The following EML1 variants were observed in gnomAD, a reference collection of about 807,000 sequenced individuals.
EML1 encodes the protein echinoderm microtubule-associated protein-like 1.
Under a neutral mutation model 110.4 loss-of-function variants are expected in EML1, and 27 were observed. The ratio of observed to expected loss-of-function variants is 0.24; its 90% confidence interval spans 0.18 to 0.34. EML1 has a LOEUF of 0.34. Ranked by LOEUF, EML1 falls within the 10% of genes least tolerant of loss-of-function variation. The pLI, the probability that EML1 is intolerant of heterozygous loss-of-function variation, is 1.00. For missense variants in EML1, 741 were observed against 1,030.9 expected, an observed-to-expected ratio of 0.72 and a Z score of 3.85; for synonymous variants, 344 against 385.8, an observed-to-expected ratio of 0.89 and a Z score of 1.27.
At chr14:99,822,070 G>C (rs2058273222) in intron 1 of EML1, among the ~76,000 whole-genome samples, 1 of 152,184 alleles carries the variant, frequency 6.6e-6, no homozygotes, top group South Asian at 2.1e-4. Context: ...TGCTCGTGTT[G>C]GAACAAAGGC....
chr14:99,843,688 G>T (rs536685642), intron 1 of EML1, among the ~76,000 whole-genome samples: 2 of 152,290 alleles, frequency 1.3e-5, no homozygotes, highest in African/African-American at 4.8e-5. Context: ...AAAGACTGAA[G>T]TCTATGCCTC....
intron 7 of EML1, among the ~76,000 whole-genome samples, chr14:99,897,829 G>T (rs1407526104): frequency 6.6e-6 from 1 of 152,192 alleles, no homozygotes; most frequent in Non-Finnish European, 1.5e-5. Flanking sequence ...ATGGATGCGT[G>T]AAGAGATGGA....
intron 1 of EML1, chr14:99,838,911 G>GCGCGCA (rs2058584259): frequency 8.7e-6 from 1 of 114,376 alleles, no homozygotes; most frequent in African/African-American, 3.9e-5. Flanking sequence ...GGGAGTGCGC[G>GCGCGCA]CGCGCGCGTG....
At chr14:99,822,584 C>A (rs1242494709) in intron 1 of EML1, among the ~76,000 whole-genome samples, 1 of 152,188 alleles carries the variant, frequency 6.6e-6, no homozygotes, top group Admixed American at 6.5e-5. Context: ...TTTTCATATT[C>A]ATTTATATTA....
At chr14:99,864,812 A>AG (rs2059065568) in intron 2 of EML1, among the ~76,000 whole-genome samples, 1 of 151,722 alleles carries the variant, frequency 6.6e-6, no homozygotes, top group Non-Finnish European at 1.5e-5. Flanking sequence ...TCTCAAAAAA[A>AG]AAAAAAAAAA....
rs140837808 is a variant in EML1 at position 99,897,220 on chromosome 14, A to G, written c.753A>G (p.Ala251=). Residue 251 remains alanine (A), a synonymous_variant, in exon 7 of 22, where the codon GCA becomes GCG. Transcript: ENST00000262233. ...CGGGAGAGACCGTCTACTTCATCGC[A>G]TCCGTGGTGGTGTTATACAACGTGG... ...LPTGETVYFI[A]SVVVLYNVEE... The G allele has an allele frequency of 8.3e-5, 134 of 1,613,108 alleles. 3 individuals are homozygous for G. The South Asian group carries it at 1.4e-3, about 17-fold the overall frequency.
At chr14:99,925,978 G>A (rs2060226107) in intron 17 of EML1, among the ~76,000 whole-genome samples, 2 of 152,154 alleles carry the variant, frequency 1.3e-5, no homozygotes, top group African/African-American at 2.4e-5. Flanking sequence ...TACCACAGCC[G>A]CGTGGTCCTC....
intron 17 of EML1, among the ~76,000 whole-genome samples, chr14:99,923,959 G>A (rs1042457531): frequency 5.3e-5 from 8 of 152,146 alleles, no homozygotes; most frequent in East Asian, 1.9e-4. Context: ...AGGCCAGCTC[G>A]TCAATTTCTA....
chr14:99,762,080 G>A (rs1225483317), intron 1 of EML1, among the ~76,000 whole-genome samples: 1 of 152,152 alleles, frequency 6.6e-6, no homozygotes, highest in Non-Finnish European at 1.5e-5. Context: ...CTCAGTGGCT[G>A]AACAGACGTG....
chr14:99,834,483 G>A (rs933910077), intron 1 of EML1, among the ~76,000 whole-genome samples: 6 of 152,048 alleles, frequency 3.9e-5, no homozygotes, highest in African/African-American at 1.4e-4. Flanking sequence ...TGTATTTTAA[G>A]TAGAGATGGG....
At chr14:99,897,632 AC>A (rs1197531608) in intron 7 of EML1, among the ~76,000 whole-genome samples, 1 of 152,198 alleles carries the variant, frequency 6.6e-6, no homozygotes, top group Non-Finnish European at 1.5e-5. Flanking sequence ...TTCACGGACC[AC>A]ATTGTCTCAA....
In EML1 at chr14:99,865,565, C is replaced by T; in HGVS notation, c.302C>T (p.Thr101Ile). Residue 101 changes from threonine (T) to isoleucine (I), a missense_variant, in exon 3 of 22, where the codon ACT becomes ATT. Coordinates refer to ENST00000262233, the MANE Select transcript of EML1 (RefSeq NM_004434.3). ...TTAAGAACCACGGTCAACAATGGCA[C>T]TGTGTTACCAAAGAAACCTACTGGC... ...LPLRTTVNNGTVLPKKPTGSL... is the reference protein window; with the variant it reads ...LPLRTTVNNGIVLPKKPTGSL... The T allele has an allele frequency of 6.2e-7, 1 of 1,614,240 alleles. No homozygotes were observed. Among genetic ancestry groups the T allele is most frequent in the Non-Finnish European group, 8.5e-7 (1 of 1,180,044 alleles).
At chr14:99,814,880 T>C (rs1357137374) in intron 1 of EML1, among the ~76,000 whole-genome samples, 1 of 152,168 alleles carries the variant, frequency 6.6e-6, no homozygotes, top group East Asian at 1.9e-4. Context: ...ATATATGCTC[T>C]TCATTTATTG....
chr14:99,873,951 G>A (rs1424545309), intron 3 of EML1, among the ~76,000 whole-genome samples: 4 of 152,126 alleles, frequency 2.6e-5, no homozygotes, highest in East Asian at 1.9e-4. Flanking sequence ...AGTGTTAGTC[G>A]CCCCAGCTGT....
At position 99,939,428 on chromosome 14, in the gene EML1, G is replaced by C. The variant is rs933007824; in HGVS notation, c.2322+101G>C. 23 of 1,526,020 alleles carry C rather than the reference G, an allele frequency of 1.5e-5. No homozygotes were observed. Among genetic ancestry groups the C allele is most frequent in the Non-Finnish European group, 1.9e-5 (21 of 1,128,806 alleles). The allele number at this position is 1,526,020 out of a possible 1,614,324, so 94.5% of individuals were successfully genotyped here. The stretch of plus-strand genomic sequence containing the variant: ...TGGAAATGGGCTGTGAGCGACTGCT[G>C]CCAGCCACAAAGGCAGATGTGACTC... On this transcript the variant is annotated intron_variant, in intron 21 of 21. Transcript: ENST00000262233. The surrounding 1 kb of genome is among the most constrained non-coding windows in gnomAD (Gnocchi z 4.2).
intron 17 of EML1, among the ~76,000 whole-genome samples, chr14:99,922,165 T>C (rs1052871218): frequency 6.8e-6 from 1 of 147,346 alleles, no homozygotes; most frequent in South Asian, 2.1e-4. Context: ...TAATGATGGA[T>C]TTTTTTTTTT....
rs1438266723 is a variant in EML1, at chr14:99,940,716, A to T, written c.*604A>T. On this transcript the variant is annotated 3_prime_UTR_variant, in exon 22 of 22. Coordinates refer to ENST00000262233, the MANE Select transcript of EML1 (RefSeq NM_004434.3). ...ATCCCTCTTGTGCTAAGCAGACTCTACTCCTAACTGACTTCAATATTTCAG... is the reference window on the plus strand; with the variant it reads ...ATCCCTCTTGTGCTAAGCAGACTCTTCTCCTAACTGACTTCAATATTTCAG... 6.6e-6 allele frequency: 1 copy of T among 152,116 alleles called. No homozygotes were observed. 9.4% of individuals were successfully genotyped at this position (152,116 alleles called of 1,614,324 possible).
chr14:99,773,267 A>G (rs2057444919), exon 1 of EML1: 1 of 152,232 alleles, frequency 6.6e-6, no homozygotes, highest in African/African-American at 2.4e-5. Context: ...TTTATCACCA[A>G]TGTCAGATGA....
chr14:99,838,912 CGCGCGCGTGTGTGTGTGT>C (rs1197063680), intron 1 of EML1: 6 of 46,364 alleles, frequency 1.3e-4, no homozygotes, highest in African/African-American at 3.5e-4. Context: ...GGAGTGCGCG[CGCGCGCGTGTGTGTGTGT>C]GCGCGCGCGC....
Sources: gnomAD v4.1 joint callset for allele counts (sites outside exome capture counted in the v4.1 genomes callset) on GRCh38, gnomAD v4.1.1 for gene constraint, Gnocchi (gnomAD v3.1) non-coding constraint, MANE v1.5 for transcripts, NCBI Gene and HGNC (gene_info 2026-07-23, HGNC 2026-07-21) for gene names.